Variants in GATAD2A observed in about 807,000 individuals in gnomAD.
The protein encoded by GATAD2A is GATA zinc finger domain containing 2A.
A neutral mutation model predicts 68.5 loss-of-function variants in GATAD2A; 12 were observed. That is an observed-to-expected ratio of 0.18 (90% CI 0.11 to 0.28). GATAD2A has a LOEUF of 0.28. Among genes scored for constraint, GATAD2A ranks in the 10% least tolerant of loss-of-function variants. The pLI, the probability that GATAD2A is intolerant of heterozygous loss-of-function variation, is 1.00. For synonymous variants in GATAD2A, 410 were observed against 375.3 expected, an observed-to-expected ratio of 1.09 and a Z score of -1.07; for missense variants, 755 against 868.5, an observed-to-expected ratio of 0.87 and a Z score of 1.64.
chr19:19,453,708 G>C (rs1181536790), intron 1 of GATAD2A, among the ~76,000 whole-genome samples: 1 of 142,322 alleles, frequency 7.0e-6, no homozygotes, highest in African/African-American at 2.7e-5. Flanking sequence ...ACGGAGTCTT[G>C]CTCCGTCGCC....
chr19:19,474,334 GA>G (rs2058523030), intron 2 of GATAD2A, among the ~76,000 whole-genome samples: 1 of 152,106 alleles, frequency 6.6e-6, no homozygotes, highest in Admixed American at 6.5e-5. Context: ...GTCAAACCCT[GA>G]ATTTAGGTCA....
At chr19:19,503,326 G>A (rs1299509298) in intron 11 of GATAD2A, among the ~76,000 whole-genome samples, 1 of 152,140 alleles carries the variant, frequency 6.6e-6, no homozygotes, top group Non-Finnish European at 1.5e-5. Flanking sequence ...CAGGCCCCAG[G>A]CAGAGTGGTG....
Position 19,425,262 on chromosome 19 carries a change from C to G in GATAD2A, c.-7+19243C>G, listed in dbSNP as rs80210300. On this transcript the variant is annotated intron_variant, in intron 1 of 11. Transcript: ENST00000683918. ...CAAGGCTGGCTGTCATTAGAACCTT[C>G]TGTGTGCATTCTCCTATGATGGAGG... Among the ~76,000 whole-genome samples, 390 of 152,274 alleles carry G rather than the reference C, an allele frequency of 2.6e-3. 3 individuals carry two copies. In the South Asian group the frequency reaches 0.041, roughly 16 times the overall value.
chr19:19,421,913 C>CT (rs1456389270), intron 1 of GATAD2A, among the ~76,000 whole-genome samples: 1 of 152,062 alleles, frequency 6.6e-6, no homozygotes, highest in Non-Finnish European at 1.5e-5. Flanking sequence ...CCTCCACCCC[C>CT]TGGGTTCAAG....
In GATAD2A at chr19:19,498,658, C is replaced by A. The variant is rs780658334; in HGVS notation, c.1140C>A (p.Ala380=). The part of the protein sequence containing the change: ...APEMNFLPSA[A]NNEFIYLVGL... ...AGATGAACTTCCTGCCCAGCGCCGCCAACAACGAGTTCATCTACCTGGTCG... is the reference window on the plus strand; with the variant it reads ...AGATGAACTTCCTGCCCAGCGCCGCAAACAACGAGTTCATCTACCTGGTCG... Residue 380 remains alanine (A), a synonymous_variant, in exon 8 of 12, where the codon GCC becomes GCA. Coordinates refer to ENST00000683918, the MANE Select transcript of GATAD2A (RefSeq NM_001384528.1). The A allele has an allele frequency of 1.9e-6, 3 of 1,613,942 alleles. No individual in the cohort carries two copies. In the African/African-American group the frequency reaches 4.0e-5, roughly 21 times the overall value.
At chr19:19,417,568 G>A (rs2147210073) in intron 1 of GATAD2A, among the ~76,000 whole-genome samples, 1 of 152,220 alleles carries the variant, frequency 6.6e-6, no homozygotes, top group African/African-American at 2.4e-5. Flanking sequence ...TTTATGGAAA[G>A]TCATACTGGG....
rs369802804 is a variant in GATAD2A, at chr19:19,501,296, C to T, written c.1383C>T (p.Ala461=). ...TGGAGCACACCAGCCGGCTGAAGGCCGCCTTTGTGAAGGCGCTGCAGCAGG... is the reference window on the plus strand; with the variant it reads ...TGGAGCACACCAGCCGGCTGAAGGCTGCCTTTGTGAAGGCGCTGCAGCAGG... The part of the protein sequence containing the change: ...LKVEHTSRLK[A]AFVKALQQEQ... The change falls in exon 9 of 12, where the codon GCC becomes GCT. Residue 461 remains alanine (A), a synonymous_variant. Transcript: ENST00000683918. The T allele has an allele frequency of 1.1e-5, 17 of 1,613,166 alleles. 1 individual carries two copies. Among genetic ancestry groups the T allele is most frequent in the South Asian group, 2.2e-5 (2 of 91,094 alleles).
intron 1 of GATAD2A, among the ~76,000 whole-genome samples, chr19:19,388,348 C>T (rs1170983572): frequency 3.3e-5 from 5 of 152,052 alleles, no homozygotes; most frequent in South Asian, 2.1e-4. Context: ...TGAACCACCG[C>T]GCCCGGCCAA....
chr19:19,473,090 T>C (rs1568317516), intron 2 of GATAD2A, among the ~76,000 whole-genome samples: 1 of 152,182 alleles, frequency 6.6e-6, no homozygotes, highest in Non-Finnish European at 1.5e-5. Context: ...TGGGCAGACT[T>C]CAACACAGCC....
At chr19:19,413,100 C>A (rs1009261091) in intron 1 of GATAD2A, among the ~76,000 whole-genome samples, 2 of 152,192 alleles carry the variant, frequency 1.3e-5, no homozygotes, top group African/African-American at 4.8e-5. Context: ...TTCTAATAAA[C>A]CCATCATAAG....
At chr19:19,414,640 G>A (rs891832162) in intron 1 of GATAD2A, among the ~76,000 whole-genome samples, 8 of 145,980 alleles carry the variant, frequency 5.5e-5, no homozygotes, top group South Asian at 2.2e-4. Flanking sequence ...CGGTTCAAGC[G>A]ATTCTTGTGC....
intron 1 of GATAD2A, among the ~76,000 whole-genome samples, chr19:19,439,913 A>G (rs1271416425): frequency 5.3e-5 from 8 of 152,202 alleles, no homozygotes; most frequent in Non-Finnish European, 1.2e-4. Context: ...GCTCCAGCAA[A>G]TCCACTTCTG....
chr19:19,479,104 C>T (rs372127424), intron 2 of GATAD2A, among the ~76,000 whole-genome samples: 1 of 152,108 alleles, frequency 6.6e-6, no homozygotes, highest in Admixed American at 6.5e-5. Context: ...TGCGTTTCCT[C>T]CTCTAATGAG....
chr19:19,487,444 T>G (rs1265543157), intron 2 of GATAD2A, among the ~76,000 whole-genome samples: 1 of 71,156 alleles, frequency 1.4e-5, no homozygotes, highest in Admixed American at 1.5e-4. Context: ...GGGGGTGGGG[T>G]GGGGTGCCGT....
chr19:19,466,850 A>G (rs79400852), intron 2 of GATAD2A, among the ~76,000 whole-genome samples: 3 of 152,164 alleles, frequency 2.0e-5, no homozygotes, highest in South Asian at 2.1e-4. Flanking sequence ...TCCTTTCTCT[A>G]TGTTTTCAGC....
chr19:19,416,805 C>T (rs2051699816), intron 1 of GATAD2A, among the ~76,000 whole-genome samples: 2 of 151,566 alleles, frequency 1.3e-5, no homozygotes, highest in African/African-American at 4.9e-5. Context: ...TCTTGTTGCC[C>T]AGGCCAGAGT....
intron 1 of GATAD2A, among the ~76,000 whole-genome samples, chr19:19,399,023 C>T (rs1010311547): frequency 6.6e-6 from 1 of 151,744 alleles, no homozygotes; most frequent in African/African-American, 2.4e-5. Context: ...CACGCCACTG[C>T]CCTCCAGCCT....
upstream of GATAD2A, among the ~76,000 whole-genome samples, chr19:19,403,847 C>G (rs2049967656): frequency 1.3e-5 from 2 of 152,214 alleles, no homozygotes; most frequent in Admixed American, 6.5e-5. Context: ...GATGGTTGCC[C>G]TAAACCAACC....
intron 1 of GATAD2A, among the ~76,000 whole-genome samples, chr19:19,397,388 G>T (rs1340368777): frequency 6.6e-6 from 1 of 151,998 alleles, no homozygotes; most frequent in Non-Finnish European, 1.5e-5. Context: ...GTGTAATGAG[G>T]CTAATTATAT....
Sources: allele counts gnomAD v4.1 joint callset (sites outside exome capture counted in the v4.1 genomes callset), GRCh38; gene constraint gnomAD v4.1.1; transcripts MANE v1.5; gene names NCBI Gene and HGNC (gene_info 2026-07-23, HGNC 2026-07-21).